NR3C1: variants seen among roughly 807,000 people sequenced by gnomAD.
NR3C1 encodes the protein glucocorticoid receptor.
Under a neutral mutation model 74.0 loss-of-function variants are expected in NR3C1, and 14 were observed. The observed-to-expected ratio is 0.19, with a 90% confidence interval of 0.12 to 0.30. The LOEUF (loss-of-function observed/expected upper bound fraction) is 0.30, where lower values mean the gene tolerates loss of function less well. Among genes scored for constraint, NR3C1 ranks in the 10% least tolerant of loss-of-function variants. The pLI is 1.00. For missense variants in NR3C1, 695 were observed against 909.8 expected (o/e 0.76, Z 3.04); for synonymous variants, 308 against 332.5 (o/e 0.93, Z 0.80).
At chr5:143,330,703 G>C (rs1825770883) in intron 2 of NR3C1, among the ~76,000 whole-genome samples, 1 of 152,104 alleles carries the variant, frequency 6.6e-6, no homozygotes, top group Non-Finnish European at 1.5e-5. Flanking sequence ...AAGAGAAGTG[G>C]AATCTCTGAA....
At chr5:143,387,834 AAAAAT>A (rs1837524385) in intron 2 of NR3C1, among the ~76,000 whole-genome samples, 1 of 152,192 alleles carries the variant, frequency 6.6e-6, no homozygotes, top group Admixed American at 6.5e-5. Flanking sequence ...AAATTCAGGC[AAAAAT>A]AAAACACCCC....
At chr5:143,400,906 AT>A (rs1840149811) in intron 1 of NR3C1, 54 bp from the exon 2 acceptor site, 1 of 1,342,498 alleles carries the variant, frequency 7.4e-7, no homozygotes, top group Non-Finnish European at 1.0e-6. Flanking sequence ...CTAAAGTCAC[AT>A]TATCTTCCTG....
intron 1 of NR3C1, chr5:143,402,561 A>C: frequency 1.0e-5 from 10 of 977,962 alleles, no homozygotes; most frequent in Non-Finnish European, 1.2e-5. Context: ...GGGGTGGAGA[A>C]GAGAAAAAAG....
intron 2 of NR3C1, among the ~76,000 whole-genome samples, chr5:143,361,350 C>T (rs954223480): frequency 6.6e-6 from 1 of 152,152 alleles, no homozygotes; most frequent in Non-Finnish European, 1.5e-5. Flanking sequence ...AACCAACATT[C>T]TTAACACTAG....
chr5:143,393,912 A>C (rs1166006414), intron 2 of NR3C1, among the ~76,000 whole-genome samples: 2 of 152,076 alleles, frequency 1.3e-5, no homozygotes, highest in Non-Finnish European at 2.9e-5. Context: ...TTTTTGCAAC[A>C]AACTATGTCT....
chr5:143,381,713 A>G (rs890479907), intron 2 of NR3C1, among the ~76,000 whole-genome samples: 6 of 152,154 alleles, frequency 3.9e-5, no homozygotes, highest in African/African-American at 1.4e-4. Flanking sequence ...TGGTGCTGGG[A>G]AAACTGGATA....
chr5:143,342,343 C>G (rs192755518), intron 2 of NR3C1, among the ~76,000 whole-genome samples: 1 of 152,122 alleles, frequency 6.6e-6, no homozygotes, highest in African/African-American at 2.4e-5. Context: ...CTATTAATAT[C>G]CCCACTTAAG....
At chr5:143,302,534 G>A (rs1008103544) in intron 4 of NR3C1, among the ~76,000 whole-genome samples, 1 of 151,884 alleles carries the variant, frequency 6.6e-6, no homozygotes, top group Non-Finnish European at 1.5e-5. Context: ...ACTTTAAATG[G>A]TTTGGAATGC....
chr5:143,325,359 C>T (rs1358281112), intron 2 of NR3C1, among the ~76,000 whole-genome samples: 3 of 152,166 alleles, frequency 2.0e-5, no homozygotes, highest in Admixed American at 6.5e-5. Flanking sequence ...TTAACTATCA[C>T]GAGAATAGCA....
At chr5:143,287,977 G>A (rs774408626) in intron 7 of NR3C1, among the ~76,000 whole-genome samples, 28 of 152,138 alleles carry the variant, frequency 1.8e-4, no homozygotes, top group Non-Finnish European at 3.1e-4. Context: ...AGACAAATAT[G>A]TACTGTGAGT....
chr5:143,405,079 C>T (rs1841018739), upstream of NR3C1: 1 of 979,970 alleles, frequency 1.0e-6, no homozygotes, highest in Admixed American at 6.1e-5. Flanking sequence ...GCGGGAAGCC[C>T]CCGCCCCAGC....
chr5:143,340,727 C>T lies in NR3C1; in HGVS notation c.1185-26559G>A, dbSNP rs187489919. ...TGAACTCCTGACCTCGTGATCCGCCCGGCTTGGCCTCCCAAAGTGCTGGGG... is the reference window on the plus strand; with the variant it reads ...TGAACTCCTGACCTCGTGATCCGCCTGGCTTGGCCTCCCAAAGTGCTGGGG... On this transcript the variant is annotated intron_variant, in intron 2 of 8. Coordinates refer to ENST00000394464, the MANE Select transcript of NR3C1 (RefSeq NM_000176.3). Among the ~76,000 whole-genome samples, 222 of 152,172 alleles carry T rather than the reference C, an allele frequency of 1.5e-3. 2 individuals carry two copies. Among genetic ancestry groups the T allele is most frequent in the Non-Finnish European group, 1.6e-3 (111 of 67,982 alleles).
chr5:143,345,830 T>C (rs547048589), intron 2 of NR3C1, among the ~76,000 whole-genome samples: 7 of 152,342 alleles, frequency 4.6e-5, no homozygotes, highest in African/African-American at 1.4e-4. Flanking sequence ...TTTTGGGTCT[T>C]TATTTAGAAG....
At chr5:143,333,011 A>G (rs1221748684) in intron 2 of NR3C1, 2 of 1,587,442 alleles carry the variant, frequency 1.3e-6, no homozygotes, top group Non-Finnish European at 1.7e-6. Context: ...CAGACAACAC[A>G]GTGATTGAGG....
At chr5:143,416,797 C>T (rs1841491749) in intron 1 of NR3C1, among the ~76,000 whole-genome samples, 1 of 152,188 alleles carries the variant, frequency 6.6e-6, no homozygotes, top group African/African-American at 2.4e-5. Context: ...ATAAACTTTA[C>T]CTGCTTCACA....
intron 1 of NR3C1, among the ~76,000 whole-genome samples, chr5:143,427,200 C>T (rs1353957620): frequency 6.6e-6 from 1 of 152,046 alleles, no homozygotes; most frequent in Admixed American, 6.5e-5. Flanking sequence ...TCTTACTGAC[C>T]ATTTCACTCC....
chr5:143,357,894 T>C (rs748513123), intron 2 of NR3C1, among the ~76,000 whole-genome samples: 1 of 152,228 alleles, frequency 6.6e-6, no homozygotes, highest in Non-Finnish European at 1.5e-5. Context: ...TTATATATTT[T>C]AGACTTCCAG....
At chr5:143,366,594 C>T (rs1043686966) in intron 2 of NR3C1, among the ~76,000 whole-genome samples, 1 of 149,808 alleles carries the variant, frequency 6.7e-6, no homozygotes, top group African/African-American at 2.4e-5. Context: ...GGAGAGAAGA[C>T]TCTTAAATTA....
At chr5:143,381,653 G>T (rs1288072774) in intron 2 of NR3C1, among the ~76,000 whole-genome samples, 1 of 152,048 alleles carries the variant, frequency 6.6e-6, no homozygotes. Context: ...CTCATTTTCA[G>T]CAAAGGTGCC....
Sources: allele counts gnomAD v4.1 joint callset (sites outside exome capture counted in the v4.1 genomes callset), GRCh38; gene constraint gnomAD v4.1.1; transcripts MANE v1.5; gene names NCBI Gene and HGNC (gene_info 2026-07-23, HGNC 2026-07-21).